LRRC4C: variants seen among roughly 807,000 people sequenced by gnomAD.
The protein encoded by LRRC4C is leucine-rich repeat-containing protein 4C.
A neutral mutation model predicts 33.6 loss-of-function variants in LRRC4C; 5 were observed. The ratio of observed to expected loss-of-function variants is 0.15; its 90% CI spans 0.08 to 0.31. The LOEUF is 0.31. LRRC4C is among the 10% of genes least tolerant of loss of function. The pLI, the probability that LRRC4C is intolerant of heterozygous loss-of-function variation, is 1.00. For synonymous variants in LRRC4C, 329 were observed against 302.0 expected, an observed-to-expected ratio of 1.09 and a Z score of -0.93; for missense variants, 560 against 796.7, an observed-to-expected ratio of 0.70 and a Z score of 3.58.
chr11:40,827,740 G>A (rs572023022), intron 2 of LRRC4C, among the ~76,000 whole-genome samples: 10 of 151,754 alleles, frequency 6.6e-5, no homozygotes, highest in Non-Finnish European at 1.3e-4. Context: ...ATGTATGGGT[G>A]CATGTGTGTA....
rs540904797 is a variant in LRRC4C, at chr11:40,990,112, TG to T, written c.-495-56390del. On this transcript the variant is annotated intron_variant, in intron 1 of 6. Coordinates refer to ENST00000528697, the MANE Select transcript of LRRC4C (RefSeq NM_001258419.2). The stretch of plus-strand genomic sequence containing the variant: ...ACTAATCCCCCAAGGATACTGAGGG[TG>T]ATTGTAATTTCTAGCTAGTCCAAAT... Among the ~76,000 whole-genome samples the T allele has an allele frequency of 1.2e-4, 18 of 150,444 alleles. No individual in the cohort carries two copies. In the South Asian group the frequency reaches 3.6e-3, roughly 30 times the overall value.
chr11:40,410,922 C>T (rs971269656), intron 3 of LRRC4C, among the ~76,000 whole-genome samples: 2 of 152,072 alleles, frequency 1.3e-5, no homozygotes, highest in African/African-American at 4.8e-5. Context: ...GAAAATATCA[C>T]CTCTGTGTCT....
chr11:40,786,525 T>C (rs1187862559), intron 2 of LRRC4C, among the ~76,000 whole-genome samples: 1 of 152,222 alleles, frequency 6.6e-6, no homozygotes, highest in Non-Finnish European at 1.5e-5. Context: ...AAGTGACATA[T>C]AAACGTATAT....
intron 2 of LRRC4C, among the ~76,000 whole-genome samples, chr11:40,927,923 G>A (rs73484719): frequency 0.077 from 11,726 of 151,956 alleles, 715 homozygotes; most frequent in African/African-American, 0.16. Flanking sequence ...TTGTGTCAGC[G>A]GGGGAAAAAC....
intron 3 of LRRC4C, among the ~76,000 whole-genome samples, chr11:40,495,987 G>T (rs542265642): frequency 3.3e-5 from 5 of 151,732 alleles, no homozygotes; most frequent in African/African-American, 1.2e-4. Flanking sequence ...GTGCCACCAC[G>T]CCCGGCTAAT....
At chr11:41,046,590 C>G (rs994871517) in intron 1 of LRRC4C, among the ~76,000 whole-genome samples, 9 of 152,142 alleles carry the variant, frequency 5.9e-5, no homozygotes, top group Non-Finnish European at 1.5e-5. Context: ...AGATCCCTCG[C>G]TTACTGTTAT....
At chr11:40,758,082 C>T (rs1007395751) in intron 2 of LRRC4C, among the ~76,000 whole-genome samples, 17 of 151,934 alleles carry the variant, frequency 1.1e-4, no homozygotes, top group African/African-American at 1.2e-4. Flanking sequence ...ATATCTCCCG[C>T]GAAATGCAAG....
At chr11:40,818,319 A>G (rs1420870656) in intron 2 of LRRC4C, among the ~76,000 whole-genome samples, 2 of 152,092 alleles carry the variant, frequency 1.3e-5, no homozygotes, top group African/African-American at 4.8e-5. Context: ...AAGTTCCTGG[A>G]TGCTAAGACT....
intron 1 of LRRC4C, among the ~76,000 whole-genome samples, chr11:41,006,149 T>G (rs1467793930): frequency 1.3e-5 from 2 of 152,210 alleles, no homozygotes; most frequent in Admixed American, 1.3e-4. Context: ...TTGACATATT[T>G]GGTTTTTATG....
At chr11:40,202,112 A>G (rs1862797377) in intron 5 of LRRC4C, among the ~76,000 whole-genome samples, 1 of 151,562 alleles carries the variant, frequency 6.6e-6, no homozygotes, top group Admixed American at 6.6e-5. Flanking sequence ...ACAGCAAGAG[A>G]CAATCAGAGT....
chr11:40,431,104 A>AT (rs1205464475), intron 3 of LRRC4C, among the ~76,000 whole-genome samples: 138 of 70,526 alleles, frequency 2.0e-3, no homozygotes, highest in Non-Finnish European at 3.5e-3. Flanking sequence ...TAATAAAAAA[A>AT]AAAAAAAAAA....
In LRRC4C at chr11:40,387,761, T is replaced by C. The variant is rs916207995; in HGVS notation, c.-269-68040A>G. On this transcript the variant is annotated intron_variant, in intron 3 of 6. Transcript: ENST00000528697. ...TCCAGGTTAATGAATAAACTCTCTT[T>C]TTACCTCAGTTACTTTGTAAATGGT... Among the ~76,000 whole-genome samples the C allele has an allele frequency of 5.3e-5, 8 of 152,302 alleles. No homozygotes were observed. The East Asian group carries it at 9.7e-4, about 18-fold the overall frequency.
chr11:41,444,482 G>T (rs1321201046), intron 1 of LRRC4C, among the ~76,000 whole-genome samples: 1 of 152,170 alleles, frequency 6.6e-6, no homozygotes, highest in Non-Finnish European at 1.5e-5. Context: ...ACGGGTGGGT[G>T]CTAGAACCAA....
intron 1 of LRRC4C, among the ~76,000 whole-genome samples, chr11:41,078,691 G>T (rs901759916): frequency 6.6e-6 from 1 of 152,118 alleles, no homozygotes; most frequent in African/African-American, 2.4e-5. Flanking sequence ...CACCTCTTCT[G>T]ACACATGGGG....
intron 3 of LRRC4C, among the ~76,000 whole-genome samples, chr11:40,505,517 T>A (rs1043606958): frequency 6.6e-6 from 1 of 152,184 alleles, no homozygotes; most frequent in Non-Finnish European, 1.5e-5. Context: ...CCCTGTAAAC[T>A]TTGAGAATGA....
intron 3 of LRRC4C, among the ~76,000 whole-genome samples, chr11:40,586,444 A>G (rs1958749069): frequency 6.7e-6 from 1 of 148,222 alleles, no homozygotes; most frequent in Non-Finnish European, 1.5e-5. Context: ...CTCTGATGGT[A>G]GTTTCTTTTG....
chr11:40,352,152 TTCC>T (rs1312294119), intron 3 of LRRC4C, among the ~76,000 whole-genome samples: 1 of 123,344 alleles, frequency 8.1e-6, no homozygotes, highest in African/African-American at 3.1e-5. Context: ...CCTTCCTTCC[TTCC>T]TTCCTTCCTT....
intron 2 of LRRC4C, among the ~76,000 whole-genome samples, chr11:40,728,518 C>G (rs999662710): frequency 6.7e-6 from 1 of 149,140 alleles, no homozygotes; most frequent in Admixed American, 6.7e-5. Flanking sequence ...CCCAGCCTCT[C>G]GGAAGGCTGA....
intron 1 of LRRC4C, among the ~76,000 whole-genome samples, chr11:41,198,362 G>A (rs552693012): frequency 4.5e-4 from 69 of 152,022 alleles, no homozygotes; most frequent in African/African-American, 1.6e-3. Flanking sequence ...ATAATTCTAG[G>A]TATAAATAAA....
Sources: gnomAD v4.1 joint callset for allele counts (sites outside exome capture counted in the v4.1 genomes callset) on GRCh38, gnomAD v4.1.1 for gene constraint, MANE v1.5 for transcripts, NCBI Gene and HGNC (gene_info 2026-07-23, HGNC 2026-07-21) for gene names.